Variants in ZMYM4 observed in about 807,000 individuals in gnomAD.
ZMYM4 encodes zinc finger MYM-type containing 4.
In ZMYM4, 31 loss-of-function variants were observed where a neutral mutation model predicts 183.2. That is an observed-to-expected ratio of 0.17 (90% CI 0.13 to 0.23). The LOEUF (loss-of-function observed/expected upper bound fraction) is 0.23, where lower values mean the gene tolerates loss of function less well. Among genes scored for constraint, ZMYM4 ranks in the 10% least tolerant of loss-of-function variants. ZMYM4 has a pLI of 1.00. For missense variants in ZMYM4, 1,273 were observed against 1,840.3 expected (o/e 0.69, Z 5.64); for synonymous variants, 592 against 631.2 (o/e 0.94, Z 0.93).
At chr1:35,311,803 T>G (rs1641814257) in intron 1 of ZMYM4, among the ~76,000 whole-genome samples, 1 of 151,878 alleles carries the variant, frequency 6.6e-6, no homozygotes, top group African/African-American at 2.4e-5. Flanking sequence ...TTTATTCAGA[T>G]ATTTATTATT....
At chr1:35,287,446 T>C (rs557645165) in intron 1 of ZMYM4, among the ~76,000 whole-genome samples, 1 of 152,162 alleles carries the variant, frequency 6.6e-6, no homozygotes, top group South Asian at 2.1e-4. Flanking sequence ...TCTTTAAAAC[T>C]AAAAATCTTG....
At chr1:35,334,198 A>G (rs1363629875) in intron 2 of ZMYM4, among the ~76,000 whole-genome samples, 2 of 152,182 alleles carry the variant, frequency 1.3e-5, no homozygotes, top group Non-Finnish European at 1.5e-5. Flanking sequence ...ACATGCCTGT[A>G]GTCCCAGCTA....
At chr1:35,300,737 T>C (rs1641242133) in intron 1 of ZMYM4, among the ~76,000 whole-genome samples, 1 of 152,226 alleles carries the variant, frequency 6.6e-6, no homozygotes, top group South Asian at 2.1e-4. Context: ...AAGTTCAGTT[T>C]GGGTACTTTT....
In ZMYM4 at chr1:35,308,988, G is replaced by A. The variant is rs908582840; in HGVS notation, c.40-16372G>A. The A allele has an allele frequency of 4.1e-6, 4 of 985,284 alleles. No homozygotes were observed. In the African/African-American group the frequency reaches 7.0e-5, roughly 17 times the overall value. 61.0% of individuals were successfully genotyped at this position (985,284 alleles called of 1,614,324 possible). ...GAGCAGACAGCCTTGTTTGAAAGAG[G>A]AAAAGTGGTGTGAATGACAGAAAAT... is the stretch of plus-strand genomic sequence containing the variant. On this transcript the variant is annotated intron_variant, in intron 1 of 29. Transcript: ENST00000314607.
chr1:35,302,036 ACT>A (rs199695020), intron 1 of ZMYM4, among the ~76,000 whole-genome samples: 1,528 of 151,966 alleles, frequency 0.01, 12 homozygotes, highest in Non-Finnish European at 0.015. Flanking sequence ...AGGTAAATCC[ACT>A]CTCTGTTACT....
chr1:35,351,087 G>T (rs1052548784), intron 2 of ZMYM4: 7 of 851,988 alleles, frequency 8.2e-6, no homozygotes, highest in African/African-American at 1.7e-5. Flanking sequence ...ATGCCAAGTG[G>T]AGGTGACTGG....
intron 1 of ZMYM4, among the ~76,000 whole-genome samples, chr1:35,288,814 G>T (rs1209852249): frequency 1.3e-5 from 2 of 152,118 alleles, no homozygotes; most frequent in Admixed American, 1.3e-4. Flanking sequence ...TTCTTCCAAA[G>T]ACCTTATTTC....
At chr1:35,356,114 G>A (rs1399394063) in intron 2 of ZMYM4, among the ~76,000 whole-genome samples, 1 of 152,196 alleles carries the variant, frequency 6.6e-6, no homozygotes, top group Non-Finnish European at 1.5e-5. Context: ...AGAGGCTGAG[G>A]TAGGAGGATT....
intron 1 of ZMYM4, among the ~76,000 whole-genome samples, chr1:35,323,782 C>G (rs1426721180): frequency 6.6e-6 from 1 of 151,616 alleles, no homozygotes; most frequent in Non-Finnish European, 1.5e-5. Context: ...TCTCGATTTC[C>G]TGACCTCATG....
intron 1 of ZMYM4, among the ~76,000 whole-genome samples, chr1:35,300,763 G>A (rs1641243492): frequency 6.6e-6 from 1 of 151,988 alleles, no homozygotes; most frequent in Non-Finnish European, 1.5e-5. Context: ...ATATCTTTGT[G>A]TCTCCTTAGT....
chr1:35,279,081 A>AGGCT (rs1640016047), intron 1 of ZMYM4, among the ~76,000 whole-genome samples: 2 of 152,120 alleles, frequency 1.3e-5, no homozygotes, highest in South Asian at 4.1e-4. Flanking sequence ...GGGCCCATGG[A>AGGCT]GGCTCTGTCT....
rs767630315 is a variant in ZMYM4 at position 35,389,867 on chromosome 1, C to T, written c.2437-81C>T. On this transcript the variant is annotated intron_variant, in intron 14 of 29. Transcript: ENST00000314607. This position sits in a 1 kb window ranked among gnomAD's most constrained non-coding sequence, Gnocchi z 4.0. ...TCTAAATTCTAAGTTAATTTCGTCA[C>T]TTGTTATGTGTGTCTTATTTTTATT... 172 of 1,460,090 alleles carry T rather than the reference C, an allele frequency of 1.2e-4. No homozygotes were observed. The highest frequency in any genetic ancestry group is 1.5e-4 in the Non-Finnish European group (160 of 1,082,638). 90.4% of individuals were successfully genotyped at this position (1,460,090 alleles called of 1,614,324 possible).
Position 35,294,721 on chromosome 1 carries a change from G to T in ZMYM4, c.39+25636G>T, listed in dbSNP as rs574896375. Reference sequence around the variant, plus strand: ...ATTCAATATATGAATATAAGAAAATGAAACTATTAAAGTACTGAAAGAAAA... The same window carrying T: ...ATTCAATATATGAATATAAGAAAATTAAACTATTAAAGTACTGAAAGAAAA... On this transcript the variant is annotated intron_variant, in intron 1 of 29. Coordinates refer to ENST00000314607, the MANE Select transcript of ZMYM4 (RefSeq NM_005095.3). 2.0e-5 allele frequency among the ~76,000 whole-genome samples: 3 copies of T among 152,192 alleles called. No individual in the cohort carries two copies. In the South Asian group the frequency reaches 6.2e-4, roughly 32 times the overall value.
At chr1:35,277,583 T>C (rs1235263771) in intron 1 of ZMYM4, among the ~76,000 whole-genome samples, 1 of 152,198 alleles carries the variant, frequency 6.6e-6, no homozygotes, top group African/African-American at 2.4e-5. Flanking sequence ...AATTTATTTT[T>C]AACTTTTCAC....
At chr1:35,365,034 G>A (rs1303099180) in intron 5 of ZMYM4, among the ~76,000 whole-genome samples, 1 of 151,990 alleles carries the variant, frequency 6.6e-6, no homozygotes, top group Non-Finnish European at 1.5e-5. Context: ...TCTATTGCAT[G>A]TTTCTATAAT....
intron 2 of ZMYM4, among the ~76,000 whole-genome samples, chr1:35,346,409 G>A (rs1643390803): frequency 6.6e-6 from 1 of 152,126 alleles, no homozygotes; most frequent in African/African-American, 2.4e-5. Context: ...CCAGCACTTT[G>A]GGAGGCTGAG....
At chr1:35,374,425 A>G (rs115159536) in intron 7 of ZMYM4, among the ~76,000 whole-genome samples, 1,785 of 152,206 alleles carry the variant, frequency 0.012, 47 homozygotes, top group African/African-American at 0.041. Context: ...TCATTCACAT[A>G]ATAACTTCAT....
chr1:35,361,517 A>G lies in ZMYM4; in HGVS notation c.670-102A>G. On this transcript the variant is annotated intron_variant, in intron 4 of 29. Coordinates refer to ENST00000314607, the MANE Select transcript of ZMYM4 (RefSeq NM_005095.3). ...AAGATCCAAAAGCTAATGAATGTCC[A>G]TAGAGTTCTTCATTTCCAATGAGCT... 4 of 1,331,142 alleles carry G rather than the reference A, an allele frequency of 3.0e-6. No individual in the cohort carries two copies. The South Asian group carries it at 5.5e-5, about 18-fold the overall frequency. The allele number at this position is 1,331,142 out of a possible 1,614,324, so 82.5% of individuals were successfully genotyped here.
intron 1 of ZMYM4, among the ~76,000 whole-genome samples, chr1:35,295,360 A>G (rs1640954766): frequency 6.6e-6 from 1 of 152,216 alleles, no homozygotes; most frequent in African/African-American, 2.4e-5. Flanking sequence ...AGAGTGTTGT[A>G]TATGTTTTGT....
Sources: gnomAD v4.1 joint callset for allele counts (sites outside exome capture counted in the v4.1 genomes callset) on GRCh38, gnomAD v4.1.1 for gene constraint, Gnocchi (gnomAD v3.1) non-coding constraint, MANE v1.5 for transcripts, NCBI Gene and HGNC (gene_info 2026-07-23, HGNC 2026-07-21) for gene names.